The following RAB38 variants were observed in gnomAD, a reference collection of about 807,000 sequenced individuals.
RAB38 encodes ras-related protein Rab-38.
A neutral mutation model predicts 18.4 loss-of-function variants in RAB38; 15 were observed. The observed-to-expected ratio is 0.82, with a 90% CI of 0.55 to 1.26. RAB38 has a LOEUF of 1.26. RAB38 is among the 50% of genes most tolerant of loss of function. The pLI is 0.00. For missense variants in RAB38, 294 were observed against 267.4 expected (o/e 1.10, Z -0.69); for synonymous variants, 101 against 104.4 (o/e 0.97, Z 0.20).
the RAB38 span, among the ~76,000 whole-genome samples, chr11:88,026,562 C>CAAAAAA: frequency 3.7e-5 from 2 of 54,236 alleles, no homozygotes; most frequent in East Asian, 7.2e-4. Context: ...GACTCTGTCA[C>CAAAAAA]AAAAAAAAAA....
At chr11:87,976,727 T>TTATATAATATATATTTATATATTTA in the RAB38 span, among the ~76,000 whole-genome samples, 27 of 119,490 alleles carry the variant, frequency 2.3e-4, 1 homozygote, top group South Asian at 6.6e-3. Flanking sequence ...TCTATATATT[T>TTATATAATATATATTTATATATTTA]TATATAATAT....
At chr11:88,027,525 T>G in the RAB38 span, among the ~76,000 whole-genome samples, 2 of 152,216 alleles carry the variant, frequency 1.3e-5, no homozygotes, top group Non-Finnish European at 2.9e-5. Flanking sequence ...ACCTGAATAC[T>G]GCGCTTTTCT....
chr11:87,804,437 T>G, the RAB38 span, among the ~76,000 whole-genome samples: 2 of 152,310 alleles, frequency 1.3e-5, no homozygotes, highest in African/African-American at 4.8e-5. Flanking sequence ...TGATCACTGG[T>G]CAACAGCCCA....
At chr11:87,810,027 T>C in the RAB38 span, among the ~76,000 whole-genome samples, 1 of 152,168 alleles carries the variant, frequency 6.6e-6, no homozygotes, top group Non-Finnish European at 1.5e-5. Context: ...TTCTCAAACA[T>C]GTAAAATAAC....
intron 2 of RAB38, among the ~76,000 whole-genome samples, chr11:88,139,819 A>G (rs1472959000): frequency 6.6e-6 from 1 of 152,244 alleles, no homozygotes; most frequent in Non-Finnish European, 1.5e-5. Flanking sequence ...TGGAATAGAT[A>G]GAGTGCTAGA....
the RAB38 span, among the ~76,000 whole-genome samples, chr11:87,809,007 T>C: frequency 6.6e-6 from 1 of 152,032 alleles, no homozygotes; most frequent in African/African-American, 2.4e-5. Context: ...AGAATTGGAA[T>C]TGCCAAAAGT....
chr11:88,165,073 A>G (rs1336756697), intron 1 of RAB38, among the ~76,000 whole-genome samples: 3 of 152,096 alleles, frequency 2.0e-5, no homozygotes, highest in Non-Finnish European at 4.4e-5. Flanking sequence ...TCATTCAATA[A>G]TTAGGTCTAT....
At chr11:87,869,215 A>G in the RAB38 span, among the ~76,000 whole-genome samples, 1 of 151,686 alleles carries the variant, frequency 6.6e-6, no homozygotes, top group African/African-American at 2.4e-5. Flanking sequence ...CAACCAAATC[A>G]CAAGGTCAGC....
chr11:88,165,212 CAGT>C (rs1455628976), intron 1 of RAB38, among the ~76,000 whole-genome samples: 6 of 152,032 alleles, frequency 3.9e-5, no homozygotes, highest in African/African-American at 1.4e-4. Context: ...CATCAGGAAA[CAGT>C]AGAATAGCAT....
At chr11:87,818,357 G>A in the RAB38 span, among the ~76,000 whole-genome samples, 3 of 152,016 alleles carry the variant, frequency 2.0e-5, no homozygotes, top group African/African-American at 7.3e-5. Context: ...GATTTACTTG[G>A]CACTTATTCC....
At chr11:87,977,829 A>ATG in the RAB38 span, among the ~76,000 whole-genome samples, 1 of 112,036 alleles carries the variant, frequency 8.9e-6, no homozygotes, top group Non-Finnish European at 1.7e-5. Flanking sequence ...ATATGTTCCT[A>ATG]TATAATCATG....
chr11:87,941,214 G>GAGAGATATATATATAT, the RAB38 span, among the ~76,000 whole-genome samples: 2 of 62,538 alleles, frequency 3.2e-5, no homozygotes, highest in Non-Finnish European at 2.8e-5. Flanking sequence ...AAATATATGA[G>GAGAGATATATATATAT]ATATATATAT....
the RAB38 span, among the ~76,000 whole-genome samples, chr11:88,018,001 G>C: frequency 6.6e-6 from 1 of 151,972 alleles, no homozygotes; most frequent in Non-Finnish European, 1.5e-5. Context: ...CTCTTCTCTT[G>C]TCTGCCGCCG....
the RAB38 span, among the ~76,000 whole-genome samples, chr11:87,914,199 G>GCTTTTTAGAGATTTAGATTTA: frequency 6.6e-6 from 1 of 151,930 alleles, no homozygotes; most frequent in African/African-American, 2.4e-5. Flanking sequence ...AAAAAAAGAG[G>GCTTTTTAGAGATTTAGATTTA]GAAAATTTGA....
At chr11:88,070,651 T>C in the RAB38 span, among the ~76,000 whole-genome samples, 2 of 152,208 alleles carry the variant, frequency 1.3e-5, no homozygotes, top group African/African-American at 4.8e-5. Flanking sequence ...CTAATATCTC[T>C]GGTTGCCAGA....
chr11:87,917,650 T>C, the RAB38 span, among the ~76,000 whole-genome samples: 1 of 150,372 alleles, frequency 6.7e-6, no homozygotes, highest in Non-Finnish European at 1.5e-5. Context: ...GGAGAGAACA[T>C]GCCTTAATGG....
the RAB38 span, among the ~76,000 whole-genome samples, chr11:88,039,561 C>G: frequency 0.02 from 3,003 of 152,162 alleles, 119 homozygotes; most frequent in South Asian, 0.059. Flanking sequence ...GAGCTGTCTC[C>G]TTTCTTCTTG....
intron 1 of RAB38, among the ~76,000 whole-genome samples, chr11:88,155,707 G>GGACTCAAAGGTCCCTAA (rs1943117092): frequency 6.6e-6 from 1 of 152,148 alleles, no homozygotes. Flanking sequence ...AAACTCAGAA[G>GGACTCAAAGGTCCCTAA]TGACAGATAA....
the RAB38 span, among the ~76,000 whole-genome samples, chr11:87,822,227 TA>T: frequency 6.6e-6 from 1 of 151,968 alleles, no homozygotes; most frequent in African/African-American, 2.4e-5. Flanking sequence ...CCAAAATACA[TA>T]AAAAATTGTT....
Sources: allele counts gnomAD v4.1 joint callset (sites outside exome capture counted in the v4.1 genomes callset), GRCh38; gene constraint gnomAD v4.1.1; transcripts MANE v1.5; gene names NCBI Gene and HGNC (gene_info 2026-07-23, HGNC 2026-07-21).